Variants in DOCK3 observed in about 807,000 individuals in gnomAD.
The protein encoded by DOCK3 is dedicator of cytokinesis protein 3.
DOCK3 carries 60 observed loss-of-function variants against 265.6 expected under a neutral mutation model. That is an observed-to-expected ratio of 0.23 (90% CI 0.18 to 0.28). The LOEUF (loss-of-function observed/expected upper bound fraction) is 0.28. Among genes scored for constraint, DOCK3 ranks in the 10% least tolerant of loss-of-function variants. The pLI, the probability that DOCK3 is intolerant of heterozygous loss-of-function variation, is 1.00. For synonymous variants in DOCK3, 881 were observed against 938.0 expected (o/e 0.94, Z 1.11); for missense variants, 1,981 against 2,594.3 (o/e 0.76, Z 5.14).
intron 3 of DOCK3, among the ~76,000 whole-genome samples, chr3:50,878,368 GC>G (rs564664741): frequency 9.1e-4 from 139 of 152,280 alleles, no homozygotes; most frequent in African/African-American, 3.1e-3. Context: ...TTGCAAAGAA[GC>G]TAAAAACCTT....
chr3:50,720,220 A>G (rs1172727997), intron 1 of DOCK3, among the ~76,000 whole-genome samples: 1 of 152,004 alleles, frequency 6.6e-6, no homozygotes, highest in Non-Finnish European at 1.5e-5. Flanking sequence ...GGTTTGTCGT[A>G]TGATTATTTC....
At position 50,829,173 on chromosome 3, in the gene DOCK3, C is replaced by G. The variant is rs1465902685; in HGVS notation, c.122-12502C>G. Reference sequence around the variant, plus strand: ...TTTCAGTTTCTGCTTATATGAATCTCTTAAATTTGTCATCATTTTTGAATG... The same window carrying G: ...TTTCAGTTTCTGCTTATATGAATCTGTTAAATTTGTCATCATTTTTGAATG... On this transcript the variant is annotated intron_variant, in intron 2 of 52. Coordinates refer to ENST00000266037, the MANE Select transcript of DOCK3 (RefSeq NM_004947.5). Among the ~76,000 whole-genome samples, 5 of 152,130 alleles carry G rather than the reference C, an allele frequency of 3.3e-5. No homozygotes were observed. In the South Asian group the frequency reaches 8.3e-4, roughly 25 times the overall value.
chr3:51,028,425 T>G (rs2079907844), intron 5 of DOCK3, among the ~76,000 whole-genome samples: 1 of 152,172 alleles, frequency 6.6e-6, no homozygotes, highest in Non-Finnish European at 1.5e-5. Context: ...CTTGTGTATC[T>G]TGCAGGTGTT....
chr3:51,126,505 C>A (rs1363745933), intron 9 of DOCK3, among the ~76,000 whole-genome samples: 4 of 152,206 alleles, frequency 2.6e-5, no homozygotes, highest in Non-Finnish European at 5.9e-5. Flanking sequence ...GTCTTCTCGT[C>A]CTCCAGCGTC....
chr3:50,726,243 A>C (rs1399953693), intron 1 of DOCK3, among the ~76,000 whole-genome samples: 3 of 152,182 alleles, frequency 2.0e-5, no homozygotes, highest in African/African-American at 7.2e-5. Flanking sequence ...CCATGGATAC[A>C]GAACTCTGTG....
In DOCK3 at chr3:50,693,530, CTTTTTT is replaced by C. The variant is rs35261130; in HGVS notation, c.37+18248_37+18253del. On this transcript the variant is annotated intron_variant, in intron 1 of 52. Coordinates refer to ENST00000266037, the MANE Select transcript of DOCK3 (RefSeq NM_004947.5). ...TCATATTGTTCATTAATTTCCTTTC[CTTTTTT>C]TTTTTTTTTTTTTTTTTAAGACAGA... Among the ~76,000 whole-genome samples, 546 of 64,278 alleles carry C rather than the reference CTTTTTT, an allele frequency of 8.5e-3. 7 individuals carry two copies. Among genetic ancestry groups the C allele is most frequent in the African/African-American group, 0.029 (469 of 16,366 alleles). 42.2% of individuals were successfully genotyped at this position (64,278 alleles called of 152,430 possible).
chr3:51,205,006 G>C (rs902487994), intron 12 of DOCK3, among the ~76,000 whole-genome samples: 2 of 151,906 alleles, frequency 1.3e-5, no homozygotes, highest in African/African-American at 2.4e-5. Flanking sequence ...TCACACTCTG[G>C]GGACTGTTGT....
At chr3:51,193,813 T>TC (rs2088100560) in intron 12 of DOCK3, among the ~76,000 whole-genome samples, 1 of 150,478 alleles carries the variant, frequency 6.6e-6, no homozygotes, top group Non-Finnish European at 1.5e-5. Context: ...TTTTTTTTTT[T>TC]TTTTCTTGGT....
intron 46 of DOCK3, 133 bp downstream of exon 46, chr3:51,358,210 C>T: frequency 1.2e-6 from 1 of 808,888 alleles, no homozygotes; most frequent in South Asian, 1.7e-5. Flanking sequence ...AGAGGCTGTC[C>T]TCCCTACAGA....
At chr3:51,188,433 T>C (rs1290880897) in intron 12 of DOCK3, among the ~76,000 whole-genome samples, 4 of 152,206 alleles carry the variant, frequency 2.6e-5, no homozygotes, top group African/African-American at 7.2e-5. Context: ...ATATAATGCA[T>C]AGTGGTCAAG....
chr3:51,174,344 C>CTA, intron 12 of DOCK3, among the ~76,000 whole-genome samples: 1 of 152,092 alleles, frequency 6.6e-6, no homozygotes, highest in East Asian at 1.9e-4. Context: ...TGGTTTGTGC[C>CTA]TATAATCCCA....
intron 12 of DOCK3, among the ~76,000 whole-genome samples, chr3:51,198,388 C>A (rs1028473780): frequency 1.3e-5 from 2 of 152,138 alleles, no homozygotes; most frequent in Non-Finnish European, 2.9e-5. Context: ...CAGGGAAGAG[C>A]AGACAGGTCT....
At chr3:51,059,587 C>G (rs544136368) in intron 5 of DOCK3, among the ~76,000 whole-genome samples, 16 of 151,976 alleles carry the variant, frequency 1.1e-4, no homozygotes, top group Non-Finnish European at 1.6e-4. Context: ...GTTACCACTC[C>G]GTAAGAGACT....
intron 2 of DOCK3, among the ~76,000 whole-genome samples, chr3:50,822,204 G>A (rs2044479619): frequency 6.6e-6 from 1 of 152,026 alleles, no homozygotes; most frequent in South Asian, 2.1e-4. Context: ...AGTTCTCCTT[G>A]TAGAAATCTT....
chr3:50,751,089 T>C (rs1362341617), intron 1 of DOCK3, among the ~76,000 whole-genome samples: 1 of 152,130 alleles, frequency 6.6e-6, no homozygotes, highest in African/African-American at 2.4e-5. Flanking sequence ...AACCAAGAAA[T>C]AAGAAAAAGG....
chr3:51,346,774 A>C (rs946597638), intron 38 of DOCK3, among the ~76,000 whole-genome samples: 3 of 152,146 alleles, frequency 2.0e-5, no homozygotes, highest in African/African-American at 7.2e-5. Flanking sequence ...AAGTGTTCCT[A>C]CTTCTCCCCA....
chr3:51,362,021 G>A, intron 48 of DOCK3, 24 bp downstream of exon 48: 2 of 1,590,598 alleles, frequency 1.3e-6, no homozygotes, highest in Non-Finnish European at 8.6e-7. Flanking sequence ...CACGGAGAGT[G>A]GGCCAGGGCA....
chr3:50,983,361 C>T (rs1441052008), intron 5 of DOCK3, among the ~76,000 whole-genome samples: 1 of 152,060 alleles, frequency 6.6e-6, no homozygotes, highest in Non-Finnish European at 1.5e-5. Flanking sequence ...GGCTGGACTG[C>T]TAGTTGAGGA....
At chr3:51,059,455 CCACACACA>C (rs57596003) in intron 5 of DOCK3, among the ~76,000 whole-genome samples, 9,295 of 140,678 alleles carry the variant, frequency 0.066, 347 homozygotes, top group Non-Finnish European at 0.096. Flanking sequence ...AGAAAAAAAA[CCACACACA>C]CACACACACA....
Sources: allele counts gnomAD v4.1 joint callset (sites outside exome capture counted in the v4.1 genomes callset), GRCh38; gene constraint gnomAD v4.1.1; transcripts MANE v1.5; gene names NCBI Gene and HGNC (gene_info 2026-07-23, HGNC 2026-07-21).